SLC2A9: variants seen among roughly 807,000 people sequenced by gnomAD.
The protein encoded by SLC2A9 is solute carrier family 2, facilitated glucose transporter member 9.
In SLC2A9, 39 loss-of-function variants were observed where a neutral mutation model predicts 50.6. That is an observed-to-expected ratio of 0.77 (90% CI 0.60 to 1.01). SLC2A9 has a LOEUF of 1.01. Among genes scored for constraint, SLC2A9 ranks in the 50% least tolerant of loss-of-function variants. The probability of loss-of-function intolerance (pLI) is 0.00; values close to 1 mark genes in which losing one functional copy is unlikely to be tolerated. For synonymous variants in SLC2A9, 324 were observed against 276.9 expected (o/e 1.17, Z -1.69); for missense variants, 686 against 677.6 (o/e 1.01, Z -0.14).
chr4:9,975,914 C>T (rs1754718766), intron 5 of SLC2A9, among the ~76,000 whole-genome samples: 1 of 152,184 alleles, frequency 6.6e-6, no homozygotes, highest in Admixed American at 6.5e-5. Context: ...TACTATGCAG[C>T]CATGAGAAGA....
intron 8 of SLC2A9, among the ~76,000 whole-genome samples, chr4:9,891,642 G>A (rs968526980): frequency 6.6e-6 from 1 of 152,190 alleles, no homozygotes; most frequent in Non-Finnish European, 1.5e-5. Context: ...TCAGAGAGGT[G>A]AGATAACAGC....
chr4:9,989,906 G>T (rs1278255434), intron 3 of SLC2A9, among the ~76,000 whole-genome samples: 3 of 151,894 alleles, frequency 2.0e-5, no homozygotes, highest in Non-Finnish European at 4.4e-5. Flanking sequence ...CCAGGGATGA[G>T]CGTGCTCACT....
At chr4:10,022,937 T>A (rs1763605499), upstream of SLC2A9, among the ~76,000 whole-genome samples, 1 of 152,222 alleles carries the variant, frequency 6.6e-6, no homozygotes, top group African/African-American at 2.4e-5. Context: ...TGTGTGTTAA[T>A]CAGTCAGGCA....
chr4:9,819,811 G>A (rs1220309295), intron 3 of SLC2A9, among the ~76,000 whole-genome samples: 1 of 152,224 alleles, frequency 6.6e-6, no homozygotes, highest in Non-Finnish European at 1.5e-5. Context: ...ATGCGTGCCT[G>A]TAATCCTAGC....
At chr4:9,953,759 A>G (rs1750709058) in intron 5 of SLC2A9, among the ~76,000 whole-genome samples, 1 of 151,994 alleles carries the variant, frequency 6.6e-6, no homozygotes, top group Non-Finnish European at 1.5e-5. Flanking sequence ...AGCAGCTAAG[A>G]TGGCAGGCAT....
chr4:9,894,136 G>A (rs963873967), intron 8 of SLC2A9, among the ~76,000 whole-genome samples: 5 of 152,152 alleles, frequency 3.3e-5, no homozygotes, highest in Admixed American at 2.0e-4. Flanking sequence ...CATGGACAAC[G>A]ATCTTTGTTG....
intron 5 of SLC2A9, among the ~76,000 whole-genome samples, chr4:9,967,051 T>C (rs367994792): frequency 2.0e-5 from 3 of 152,230 alleles, no homozygotes; most frequent in East Asian, 1.9e-4. Flanking sequence ...GCTTATTCTC[T>C]TGTGGGAACT....
Position 9,826,585 on chromosome 4 carries a change from A to T in SLC2A9, c.1435T>A (p.Tyr479Asn). 1 of 1,614,068 alleles carries T rather than the reference A, an allele frequency of 6.2e-7. No individual in the cohort carries two copies. The highest frequency in any genetic ancestry group is 8.5e-7 in the Non-Finnish European group (1 of 1,179,930). Residue 479 changes from tyrosine to asparagine, a missense_variant, in exon 12 of 12, where the codon TAC (tyrosine) becomes AAC (asparagine). Transcript: ENST00000264784. Reference sequence around the variant, plus strand: ...ATTGTAGCAAAGACTAGGAAACAGTAGGTGTCCAGACTTTTCTGTGGAAAG... The same window carrying T: ...ATTGTAGCAAAGACTAGGAAACAGTTGGTGTCCAGACTTTTCTGTGGAAAG... ...FPFIQKSLDT[Y>N]CFLVFATICI...
At chr4:9,981,951 G>A (rs886910673) in intron 4 of SLC2A9, among the ~76,000 whole-genome samples, 6 of 151,276 alleles carry the variant, frequency 4.0e-5, no homozygotes, top group East Asian at 1.9e-4. Flanking sequence ...GCTTGATCTC[G>A]GCTCACCACA....
rs146797347 is a variant in SLC2A9, at chr4:9,886,800, G to T, written c.1291+767C>A. 2.6e-3 allele frequency among the ~76,000 whole-genome samples: 392 copies of T among 152,246 alleles called. 1 individual carries two copies. The highest frequency in any genetic ancestry group is 8.9e-3 in the African/African-American group (370 of 41,538). ...AGCCCCCCTTCTCAGTCTGACCTTG[G>T]ACTCTGCTGGAGGTCCCTGCTGGAC... On this transcript the variant is annotated intron_variant, in intron 10 of 11. Transcript: ENST00000264784.
At chr4:10,027,583 T>C (rs928433945) in intron 1 of SLC2A9, among the ~76,000 whole-genome samples, 2 of 152,132 alleles carry the variant, frequency 1.3e-5, no homozygotes, top group Non-Finnish European at 2.9e-5. Flanking sequence ...ACCTCTCCTC[T>C]TGGTGGTGCG....
At chr4:9,822,465 CTT>C (rs556791649), downstream of SLC2A9, among the ~76,000 whole-genome samples, 98 of 152,244 alleles carry the variant, frequency 6.4e-4, no homozygotes, top group African/African-American at 2.2e-3. Context: ...GGTAATTCCT[CTT>C]GTTTCAAAAT....
At chr4:9,915,537 C>T (rs1280093824) in intron 7 of SLC2A9, among the ~76,000 whole-genome samples, 4 of 152,202 alleles carry the variant, frequency 2.6e-5, no homozygotes, top group Admixed American at 6.5e-5. Flanking sequence ...TGCCCAGCTG[C>T]TGAACTTTAA....
intron 1 of SLC2A9, among the ~76,000 whole-genome samples, chr4:10,027,726 T>G (rs1047346555): frequency 2.0e-5 from 3 of 152,182 alleles, no homozygotes; most frequent in Non-Finnish European, 4.4e-5. Context: ...CATTTTTTTT[T>G]TATTGATACA....
downstream of SLC2A9, among the ~76,000 whole-genome samples, chr4:9,776,435 CCT>C (rs1221935636): frequency 5.3e-5 from 8 of 152,126 alleles, no homozygotes; most frequent in Non-Finnish European, 1.0e-4. Flanking sequence ...CTGCCCTGAG[CCT>C]CCTGACTGAC....
chr4:9,944,951 C>T (rs570625251), intron 5 of SLC2A9, among the ~76,000 whole-genome samples: 6 of 152,218 alleles, frequency 3.9e-5, no homozygotes, highest in Non-Finnish European at 8.8e-5. Context: ...GGATGACCTG[C>T]GCACACGTCA....
intron 3 of SLC2A9, among the ~76,000 whole-genome samples, chr4:9,820,113 T>C (rs1214054292): frequency 5.3e-5 from 8 of 152,272 alleles, no homozygotes; most frequent in Non-Finnish European, 5.9e-5. Context: ...TTTCTAATTT[T>C]ATGTATTATA....
chr4:9,819,941 C>A (rs1482184602), intron 3 of SLC2A9, among the ~76,000 whole-genome samples: 1 of 152,198 alleles, frequency 6.6e-6, no homozygotes, highest in East Asian at 1.9e-4. Flanking sequence ...CTCAAAACAA[C>A]AACAACAACA....
Position 9,903,837 on chromosome 4 carries a change from A to G in SLC2A9, c.1113+4398T>C, listed in dbSNP as rs1025509362. On this transcript the variant is annotated intron_variant, in intron 8 of 11. Transcript: ENST00000264784. Reference sequence around the variant, plus strand: ...TCAAGATATATAATATATTTTGTATATTATATAAATATATAAAATATATTT... The same window carrying G: ...TCAAGATATATAATATATTTTGTATGTTATATAAATATATAAAATATATTT... Among the ~76,000 whole-genome samples the G allele has an allele frequency of 8.1e-5, 12 of 147,480 alleles. No individual in the cohort carries two copies. The East Asian group carries it at 2.3e-3, about 29-fold the overall frequency.
Sources: allele counts gnomAD v4.1 joint callset (sites outside exome capture counted in the v4.1 genomes callset), GRCh38; gene constraint gnomAD v4.1.1; transcripts MANE v1.5; gene names NCBI Gene and HGNC (gene_info 2026-07-23, HGNC 2026-07-21).